Variants in ZNF438 observed in about 807,000 individuals in gnomAD.
ZNF438 encodes zinc finger protein 438.
A neutral mutation model predicts 38.0 loss-of-function variants in ZNF438; 25 were observed. The observed-to-expected ratio is 0.66, with a 90% CI of 0.48 to 0.92. ZNF438 has a LOEUF of 0.92. ZNF438 is among the 40% of genes least tolerant of loss of function. The pLI is 0.00. For synonymous variants in ZNF438, 372 were observed against 364.1 expected (o/e 1.02, Z -0.25); for missense variants, 1,007 against 999.6 (o/e 1.01, Z -0.10).
chr10:30,991,327 A>G (rs552599007), intron 1 of ZNF438, among the ~76,000 whole-genome samples: 4 of 152,340 alleles, frequency 2.6e-5, no homozygotes, highest in African/African-American at 9.6e-5. Flanking sequence ...TGAGAGGGCC[A>G]GGGCTTCCTT....
At chr10:30,916,078 T>C (rs763252156) in intron 2 of ZNF438, among the ~76,000 whole-genome samples, 1 of 152,042 alleles carries the variant, frequency 6.6e-6, no homozygotes, top group Non-Finnish European at 1.5e-5. Context: ...AGAAGATTTA[T>C]ACTGTACCAA....
At chr10:31,011,847 G>A (rs568808952) in intron 1 of ZNF438, among the ~76,000 whole-genome samples, 15 of 152,256 alleles carry the variant, frequency 9.9e-5, no homozygotes, top group East Asian at 3.9e-4. Flanking sequence ...CACTTTCAAC[G>A]GCTTTTCACG....
chr10:30,978,224 A>G (rs2136359364), intron 1 of ZNF438, among the ~76,000 whole-genome samples: 1 of 152,330 alleles, frequency 6.6e-6, no homozygotes. Flanking sequence ...CCAATACATC[A>G]AACTACAGAC....
chr10:31,016,699 T>C (rs2056221979), intron 1 of ZNF438, among the ~76,000 whole-genome samples: 1 of 152,254 alleles, frequency 6.6e-6, no homozygotes, highest in Non-Finnish European at 1.5e-5. Flanking sequence ...AAGCCTCTTT[T>C]TTAATACAAA....
intron 1 of ZNF438, among the ~76,000 whole-genome samples, chr10:31,015,780 C>G (rs1314596096): frequency 6.6e-6 from 1 of 152,222 alleles, no homozygotes; most frequent in Non-Finnish European, 1.5e-5. Context: ...AGGCTGCAGT[C>G]TAAGATCATG....
intron 1 of ZNF438, among the ~76,000 whole-genome samples, chr10:30,968,417 A>T (rs2136176243): frequency 6.7e-6 from 1 of 149,840 alleles, no homozygotes; most frequent in East Asian, 2.0e-4. Flanking sequence ...AGCTTAGAGA[A>T]TTTAACTGAA....
At chr10:30,923,355 C>T (rs902243038) in intron 2 of ZNF438, 4 of 152,126 alleles carry the variant, frequency 2.6e-5, no homozygotes, top group African/African-American at 4.8e-5. Context: ...GTACTCCTTC[C>T]AATGTTGTTT....
intron 4 of ZNF438, among the ~76,000 whole-genome samples, chr10:30,863,098 G>T (rs2035856610): frequency 6.6e-6 from 1 of 152,120 alleles, no homozygotes; most frequent in African/African-American, 2.4e-5. Flanking sequence ...AATAGTTCAT[G>T]ATTTGTAAGT....
intron 1 of ZNF438, among the ~76,000 whole-genome samples, chr10:30,960,969 C>T (rs2049397682): frequency 6.9e-6 from 1 of 145,750 alleles, no homozygotes; most frequent in East Asian, 1.9e-4. Context: ...TACTATGTAC[C>T]AGGCACAGTG....
chr10:30,938,057 C>T (rs1204462997), intron 2 of ZNF438, among the ~76,000 whole-genome samples: 1 of 152,108 alleles, frequency 6.6e-6, no homozygotes, highest in African/African-American at 2.4e-5. Context: ...TTTACTAGTT[C>T]TGGGCTAAGA....
chr10:30,907,614 T>C (rs941381314), intron 3 of ZNF438, among the ~76,000 whole-genome samples: 3 of 152,152 alleles, frequency 2.0e-5, no homozygotes, highest in East Asian at 1.9e-4. Context: ...TTTAGGAATT[T>C]ATCCATTTCA....
intron 1 of ZNF438, among the ~76,000 whole-genome samples, chr10:31,030,510 A>C (rs1212251097): frequency 6.6e-6 from 1 of 152,252 alleles, no homozygotes; most frequent in Admixed American, 6.5e-5. Flanking sequence ...TGATCCTGGA[A>C]AAACCAACAA....
intron 2 of ZNF438, among the ~76,000 whole-genome samples, chr10:30,936,146 T>C (rs117314011): frequency 0.017 from 2,539 of 152,322 alleles, 30 homozygotes; most frequent in South Asian, 0.041. Context: ...CAGTTTCTAT[T>C]GCCAACTCGA....
intron 2 of ZNF438, among the ~76,000 whole-genome samples, chr10:30,917,654 T>A (rs1342139726): frequency 6.6e-6 from 1 of 152,182 alleles, no homozygotes; most frequent in Admixed American, 6.6e-5. Flanking sequence ...TATTCCTTTT[T>A]AGTTTCTGGT....
chr10:30,900,068 C>G (rs529914430), intron 3 of ZNF438, among the ~76,000 whole-genome samples: 1 of 152,244 alleles, frequency 6.6e-6, no homozygotes, highest in African/African-American at 2.4e-5. Flanking sequence ...TTTGTGGACC[C>G]TACCATCTGT....
rs1334400048 is a variant in ZNF438 at position 30,892,252 on chromosome 10, T to C, written c.-31-15187A>G. Among the ~76,000 whole-genome samples the C allele has an allele frequency of 2.0e-5, 3 of 152,272 alleles. No homozygotes were observed. The East Asian group carries it at 5.8e-4, about 29-fold the overall frequency. ...CCTATATATACTGTATTTTTTCCTA[T>C]ACATACATACCTATGATGAAGTTTA... On this transcript the variant is annotated intron_variant, in intron 3 of 5. Transcript: ENST00000413025.
intron 1 of ZNF438, among the ~76,000 whole-genome samples, chr10:31,021,218 A>G (rs182566607): frequency 6.6e-6 from 1 of 152,318 alleles, no homozygotes; most frequent in African/African-American, 2.4e-5. Flanking sequence ...TAAAACTTCA[A>G]TACAAAAAAG....
At chr10:30,871,794 T>C (rs1039650230) in intron 4 of ZNF438, among the ~76,000 whole-genome samples, 4 of 152,170 alleles carry the variant, frequency 2.6e-5, no homozygotes, top group African/African-American at 9.7e-5. Context: ...GCTGTGGTTG[T>C]GCAGTCAAAT....
chr10:30,976,578 C>T (rs1046951418), intron 1 of ZNF438, among the ~76,000 whole-genome samples: 6 of 151,936 alleles, frequency 3.9e-5, no homozygotes, highest in Admixed American at 3.3e-4. Flanking sequence ...CCTATCTCTA[C>T]AAAAAATTAA....
Sources: gnomAD v4.1 joint callset for allele counts (sites outside exome capture counted in the v4.1 genomes callset) on GRCh38, gnomAD v4.1.1 for gene constraint, MANE v1.5 for transcripts, NCBI Gene and HGNC (gene_info 2026-07-23, HGNC 2026-07-21) for gene names.